The following SOX6 variants were observed in gnomAD, a reference collection of about 807,000 sequenced individuals.
SOX6 encodes the protein transcription factor SOX-6.
A neutral mutation model predicts 97.8 loss-of-function variants in SOX6; 11 were observed. The observed-to-expected ratio is 0.11, with a 90% CI of 0.07 to 0.19. The LOEUF is 0.19. SOX6 is among the 10% of genes least tolerant of loss of function. The pLI is 1.00. For synonymous variants in SOX6, 360 were observed against 371.4 expected (o/e 0.97, Z 0.35); for missense variants, 810 against 1,039.5 (o/e 0.78, Z 3.04).
chr11:16,733,130 G>C (rs927339227), intron 2 of SOX6, among the ~76,000 whole-genome samples: 3 of 152,242 alleles, frequency 2.0e-5, no homozygotes, highest in Non-Finnish European at 4.4e-5. Flanking sequence ...CTGTTGGTGA[G>C]AATGTGAATT....
chr11:16,002,431 C>T (rs1199879265), intron 13 of SOX6, among the ~76,000 whole-genome samples: 1 of 152,124 alleles, frequency 6.6e-6, no homozygotes, highest in African/African-American at 2.4e-5. Context: ...TTACTTTACA[C>T]AGATAGCTAA....
chr11:16,105,966 G>C (rs910763818), intron 7 of SOX6, among the ~76,000 whole-genome samples: 5 of 151,990 alleles, frequency 3.3e-5, no homozygotes, highest in African/African-American at 1.2e-4. Context: ...GTATTAAAAA[G>C]AACTAAACAC....
intron 7 of SOX6, among the ~76,000 whole-genome samples, chr11:16,101,901 C>A (rs2133981479): frequency 6.6e-6 from 1 of 151,786 alleles, no homozygotes; most frequent in Non-Finnish European, 1.5e-5. Context: ...AAGCCATCTA[C>A]AACAAACCCA....
intron 1 of SOX6, among the ~76,000 whole-genome samples, chr11:16,433,680 G>C (rs1859313237): frequency 6.6e-6 from 1 of 152,068 alleles, no homozygotes; most frequent in Admixed American, 6.6e-5. Flanking sequence ...GAGACTTGAA[G>C]AAGGTCAGTT....
intron 3 of SOX6, among the ~76,000 whole-genome samples, chr11:16,649,956 T>C (rs572924400): frequency 6.6e-6 from 1 of 152,050 alleles, no homozygotes; most frequent in East Asian, 1.9e-4. Flanking sequence ...TCCATGCAAA[T>C]GAAAACCAAA....
intron 1 of SOX6, among the ~76,000 whole-genome samples, chr11:16,396,265 T>G (rs1372866739): frequency 1.3e-5 from 2 of 151,724 alleles, no homozygotes; most frequent in Non-Finnish European, 3.0e-5. Context: ...CTATTTTTAT[T>G]ATTTCACTTA....
intron 9 of SOX6, among the ~76,000 whole-genome samples, chr11:16,090,978 T>C (rs1211831918): frequency 6.6e-6 from 1 of 152,106 alleles, no homozygotes; most frequent in Non-Finnish European, 1.5e-5. Flanking sequence ...GAATGTATAT[T>C]ATGCTCATTT....
chr11:16,132,620 T>C (rs768672481), intron 6 of SOX6, among the ~76,000 whole-genome samples: 3 of 151,968 alleles, frequency 2.0e-5, no homozygotes, highest in Admixed American at 2.0e-4. Context: ...AATTCTACTT[T>C]AGCGTTAAAC....
At chr11:16,708,882 GAT>G (rs991476774) in intron 3 of SOX6, among the ~76,000 whole-genome samples, 5 of 152,072 alleles carry the variant, frequency 3.3e-5, no homozygotes, top group Non-Finnish European at 7.4e-5. Context: ...TATACTATAA[GAT>G]GTGATGTTTT....
intron 3 of SOX6, among the ~76,000 whole-genome samples, chr11:16,683,616 T>G (rs1279907542): frequency 6.6e-6 from 1 of 152,150 alleles, no homozygotes; most frequent in Non-Finnish European, 1.5e-5. Flanking sequence ...ATGTTAGACC[T>G]AAAACCATAA....
At chr11:16,505,147 A>G (rs1305272514) in intron 4 of SOX6, among the ~76,000 whole-genome samples, 1 of 152,228 alleles carries the variant, frequency 6.6e-6, no homozygotes, top group African/African-American at 2.4e-5. Context: ...AGATGAGGGA[A>G]CATTTGGAAC....
At chr11:16,335,894 T>C (rs1481536730) in intron 2 of SOX6, among the ~76,000 whole-genome samples, 2 of 152,196 alleles carry the variant, frequency 1.3e-5, no homozygotes, top group African/African-American at 4.8e-5. Context: ...ATTAAATATC[T>C]CAGCATGCCT....
chr11:16,027,874 C>T (rs1478888907), intron 12 of SOX6, among the ~76,000 whole-genome samples: 1 of 152,182 alleles, frequency 6.6e-6, no homozygotes, highest in Non-Finnish European at 1.5e-5. Flanking sequence ...GGGAAAGGAG[C>T]TGTATTTTAA....
intron 3 of SOX6, among the ~76,000 whole-genome samples, chr11:16,713,702 T>C (rs116283211): frequency 0.011 from 1,746 of 152,238 alleles, 25 homozygotes; most frequent in African/African-American, 0.04. Context: ...CTGCCTACTT[T>C]CAGAATTCAG....
chr11:16,547,682 A>C (rs1847637613), intron 4 of SOX6, among the ~76,000 whole-genome samples: 1 of 152,140 alleles, frequency 6.6e-6, no homozygotes, highest in Non-Finnish European at 1.5e-5. Context: ...ACAAACAGAG[A>C]GACAAATAGA....
intron 3 of SOX6, among the ~76,000 whole-genome samples, chr11:16,654,412 T>C (rs573361388): frequency 1.3e-5 from 2 of 152,158 alleles, no homozygotes; most frequent in South Asian, 2.1e-4. Flanking sequence ...GCTCAACCAA[T>C]ACTTCTCCCT....
At chr11:16,522,851 C>T (rs1861090851) in intron 4 of SOX6, among the ~76,000 whole-genome samples, 1 of 152,144 alleles carries the variant, frequency 6.6e-6, no homozygotes, top group Non-Finnish European at 1.5e-5. Flanking sequence ...ATAAACCAGA[C>T]TTTAAACCAA....
chr11:16,490,459 C>T (rs1295486740), intron 4 of SOX6, among the ~76,000 whole-genome samples: 1 of 151,910 alleles, frequency 6.6e-6, no homozygotes, highest in Non-Finnish European at 1.5e-5. Context: ...TTAATATATA[C>T]TATGCCTTGA....
intron 1 of SOX6, among the ~76,000 whole-genome samples, chr11:16,411,048 T>A (rs1228804800): frequency 1.3e-5 from 2 of 151,728 alleles, no homozygotes; most frequent in African/African-American, 4.8e-5. Flanking sequence ...AAAGGCGTAG[T>A]GTCAGAGAAG....
Sources: allele counts gnomAD v4.1 joint callset (sites outside exome capture counted in the v4.1 genomes callset), GRCh38; gene constraint gnomAD v4.1.1; transcripts MANE v1.5; gene names NCBI Gene and HGNC (gene_info 2026-07-23, HGNC 2026-07-21).